The following SHKBP1 variants were observed in gnomAD, a reference collection of about 807,000 sequenced individuals.
SHKBP1 encodes the protein SH3KBP1-binding protein 1.
Under a neutral mutation model 83.9 loss-of-function variants are expected in SHKBP1, and 71 were observed. The ratio of observed to expected loss-of-function variants is 0.85; its 90% confidence interval spans 0.70 to 1.03. The LOEUF (loss-of-function observed/expected upper bound fraction) is 1.03. Ranked by LOEUF, SHKBP1 falls within the 50% of genes least tolerant of loss-of-function variation. The pLI is 0.00. For synonymous variants in SHKBP1, 371 were observed against 398.0 expected (o/e 0.93, Z 0.81); for missense variants, 824 against 982.4 (o/e 0.84, Z 2.16).
chr19:40,583,266 G>A, intron 10 of SHKBP1, 132 bp from the exon 11 acceptor site: 1 of 661,644 alleles, frequency 1.5e-6, no homozygotes. Context: ...GGCAGGCCTG[G>A]GGTGGACGGG....
chr19:40,591,094 G>A lies in SHKBP1; in HGVS notation c.2011G>A (p.Val671Met), dbSNP rs762260137. 6.2e-7 allele frequency: 1 copy of A among 1,612,780 alleles called. No individual in the cohort carries two copies. The highest frequency in any genetic ancestry group is 1.7e-5 in the Admixed American group (1 of 59,970). The change falls in exon 18 of 18, where the codon GTG (valine) becomes ATG (methionine). Residue 671 changes from valine to methionine, a missense_variant. Val to Met is a conservative substitution (Grantham distance 21). Coordinates refer to ENST00000291842, the MANE Select transcript of SHKBP1 (RefSeq NM_138392.4). ...CTTTGTGGAACGCTGCCAGGAACTG[G>A]TGCGGAGTGGGCCAGACCTCCGACG... is the stretch of plus-strand genomic sequence containing the variant. ...GSFVERCQEL[V>M]RSGPDLRRPP...
At position 40,586,813 on chromosome 19, in the gene SHKBP1, G is replaced by A. The variant is rs1344243965; in HGVS notation, c.1205G>A (p.Ser402Asn). Reference sequence around the variant, plus strand: ...TGGATCGAGATCGCCTATGGCACCAGCTCAGGGGGCGTGCGGGTCATCGTG... The same window carrying A: ...TGGATCGAGATCGCCTATGGCACCAACTCAGGGGGCGTGCGGGTCATCGTG... ...GNWIEIAYGT[S>N]SGGVRVIVQH... The change falls in exon 13 of 18, where the codon AGC (serine) becomes AAC (asparagine). Residue 402 changes from serine (S) to asparagine (N), a missense_variant. Around this residue, in one of 3 missense-constraint regions of SHKBP1, gnomAD observed 182 missense variants for 273.1 expected, o/e 0.67. Transcript: ENST00000291842. 1 of 1,609,080 alleles carries A rather than the reference G, an allele frequency of 6.2e-7. No individual in the cohort carries two copies. The highest frequency in any genetic ancestry group is 1.7e-5 in the Admixed American group (1 of 59,710).
rs866923000 is a variant in SHKBP1 at position 40,591,339 on chromosome 19, C to T, written c.*132C>T. 1.8e-4 allele frequency: 131 copies of T among 724,980 alleles called. No individual in the cohort carries two copies. The Middle Eastern group carries it at 3.7e-3, about 20-fold the overall frequency. 44.9% of individuals were successfully genotyped at this position (724,980 alleles called of 1,614,324 possible). ...TAAATGGTTATTGTTACTAGGTCCC[C>T]ACCTTCCCTCTTTTCTGGAAGCCAA... On this transcript the variant is annotated 3_prime_UTR_variant, in exon 18 of 18. Coordinates refer to ENST00000291842, the MANE Select transcript of SHKBP1 (RefSeq NM_138392.4).
Position 40,591,259 on chromosome 19 carries a change from G to C in SHKBP1, c.*52G>C. 1 of 1,472,600 alleles carries C rather than the reference G, an allele frequency of 6.8e-7. No homozygotes were observed. The highest frequency in any genetic ancestry group is 9.1e-7 in the Non-Finnish European group (1 of 1,094,434). The allele number at this position is 1,472,600 out of a possible 1,614,324, so 91.2% of individuals were successfully genotyped here. A position where few individuals can be genotyped will look rare whatever the true frequency, so the allele number is the denominator to read the frequency against. ...GATGCCCTGGTCCTGGGGGACTCAG[G>C]TGCCTCCCTGATTCCTGTGGGAACC... On this transcript the variant is annotated 3_prime_UTR_variant, in exon 18 of 18. Coordinates refer to ENST00000291842, the MANE Select transcript of SHKBP1 (RefSeq NM_138392.4).
At chr19:40,583,837 ACTCT>A in intron 12 of SHKBP1, 120 bp downstream of exon 12, 1 of 726,484 alleles carries the variant, frequency 1.4e-6, no homozygotes, top group Non-Finnish European at 2.4e-6. Context: ...GGCAGATTCA[ACTCT>A]CTCTCATTTT....
chr19:40,583,750 C>T lies in SHKBP1; in HGVS notation c.1165+33C>T, dbSNP rs181507051. On this transcript the variant is annotated intron_variant, in intron 12 of 17. Coordinates refer to ENST00000291842, the MANE Select transcript of SHKBP1 (RefSeq NM_138392.4). Reference sequence around the variant, plus strand: ...ATGACCCGGCTTCCCCTGCTGCTGTCACCTGCCAGCCCCAGCCCCAGCCTG... The same window carrying T: ...ATGACCCGGCTTCCCCTGCTGCTGTTACCTGCCAGCCCCAGCCCCAGCCTG... The T allele has an allele frequency of 3.5e-4, 537 of 1,546,544 alleles. 3 individuals carry two copies. In the African/African-American group the frequency reaches 6.6e-3, roughly 19 times the overall value.
chr19:40,591,303 C>A lies in SHKBP1; in HGVS notation c.*96C>A. The A allele has an allele frequency of 9.2e-7, 1 of 1,087,912 alleles. No individual in the cohort carries two copies. Among genetic ancestry groups the A allele is most frequent in the Non-Finnish European group, 1.3e-6 (1 of 773,188 alleles). 67.4% of individuals were successfully genotyped at this position (1,087,912 alleles called of 1,614,324 possible). On this transcript the variant is annotated 3_prime_UTR_variant, in exon 18 of 18. Coordinates refer to ENST00000291842, the MANE Select transcript of SHKBP1 (RefSeq NM_138392.4). ...GGGAACCCCGGGTTCAGGGCCAGGG[C>A]CTCCTTGGAATAAATGGTTATTGTT...
rs559044275 is a variant in SHKBP1 at position 40,586,353 on chromosome 19, CTCTT to C, written c.1166-403_1166-400del. On this transcript the variant is annotated intron_variant, in intron 12 of 17. Coordinates refer to ENST00000291842, the MANE Select transcript of SHKBP1 (RefSeq NM_138392.4). ...TTCTGACTGTGTCTCTGTTCTGTGT[CTCTT>C]TCTTTCTTTCTTTCTTTTTTTTTTT... 5.2e-3 allele frequency among the ~76,000 whole-genome samples: 789 copies of C among 151,066 alleles called. 6 individuals carry two copies. The highest frequency in any genetic ancestry group is 8.0e-3 in the Non-Finnish European group (541 of 67,778).
chr19:40,581,585 T>C (rs710160), intron 9 of SHKBP1, among the ~76,000 whole-genome samples: 48,714 of 150,142 alleles, frequency 0.32, 8,092 homozygotes, highest in African/African-American at 0.4. Context: ...GTAACTCACA[T>C]CTGTAGTTCC....
chr19:40,579,896 C>T (rs776937285), intron 6 of SHKBP1, among the ~76,000 whole-genome samples: 11 of 151,714 alleles, frequency 7.3e-5, no homozygotes, highest in Admixed American at 1.3e-4. Context: ...AGCCATGTGT[C>T]GTGGTGGGTG....
At chr19:40,578,289 T>C (rs1190120091) in intron 5 of SHKBP1, 77 bp downstream of exon 5, 16 of 1,523,740 alleles carry the variant, frequency 1.1e-5, no homozygotes, top group Non-Finnish European at 1.3e-5. Flanking sequence ...CTCTTCCCCT[T>C]CTCTCCTGAA....
At chr19:40,577,771 A>T in intron 4 of SHKBP1, 141 bp downstream of exon 4, 1 of 1,051,572 alleles carries the variant, frequency 9.5e-7, no homozygotes, top group Non-Finnish European at 1.4e-6. Flanking sequence ...GCGCGCCGGG[A>T]TTGCTCACGC....
chr19:40,585,535 C>CTTTTTTTTTTTTTTTTTTT (rs34903711), intron 12 of SHKBP1: 6 of 132,916 alleles, frequency 4.5e-5, no homozygotes, highest in African/African-American at 5.5e-5. Context: ...TTCTTTCTTT[C>CTTTTTTTTTTTTTTTTTTT]TTTTTTTTTT....
rs1175750887 is a variant in SHKBP1, at chr19:40,583,596, C to T, written c.1049-5C>T. 6.2e-7 allele frequency: 1 copy of T among 1,612,986 alleles called. No individual in the cohort carries two copies. ...AACCCGCTCCACCCTCCCTGCCCACCCCAGATGTGCAGAAGTTCCCCTTGC... is the reference window on the plus strand; with the variant it reads ...AACCCGCTCCACCCTCCCTGCCCACTCCAGATGTGCAGAAGTTCCCCTTGC... On this transcript the variant is annotated splice_region_variant and splice_polypyrimidine_tract_variant and intron_variant, in intron 11 of 17. Coordinates refer to ENST00000291842, the MANE Select transcript of SHKBP1 (RefSeq NM_138392.4).
Position 40,580,648 on chromosome 19 carries a change from C to A in SHKBP1, c.645C>A (p.Val215=). Residue 215 remains valine (V), a synonymous_variant, in exon 8 of 18, where the codon GTC becomes GTA. Transcript: ENST00000291842. ...CTGTGGCCTATACCCAGTTTCTAGT[C>A]TGCTACAGGTGCTTGGGGAGGGAGT... The part of the protein sequence containing the change: ...WIAVAYTQFL[V]CYRLKEASGW... 6.2e-7 allele frequency: 1 copy of A among 1,614,140 alleles called. No homozygotes were observed. Among genetic ancestry groups the A allele is most frequent in the South Asian group, 1.1e-5 (1 of 91,080 alleles).
chr19:40,581,042 AT>A, intron 9 of SHKBP1, 106 bp downstream of exon 9: 1 of 1,094,350 alleles, frequency 9.1e-7, no homozygotes, highest in Non-Finnish European at 1.3e-6. Flanking sequence ...TCTCTGCTCT[AT>A]TAGATCTGTT....
At chr19:40,588,998 G>T in intron 14 of SHKBP1, 84 bp from the exon 15 acceptor site, 1 of 1,434,478 alleles carries the variant, frequency 7.0e-7, no homozygotes. Context: ...GGGGTCTTGG[G>T]GTGGTGGGTT....
rs779118823 is a variant in SHKBP1, at chr19:40,590,323, G to A, written c.1669G>A (p.Gly557Ser). The A allele has an allele frequency of 6.2e-6, 10 of 1,610,040 alleles. No individual in the cohort carries two copies. The highest frequency in any genetic ancestry group is 2.7e-5 in the African/African-American group (2 of 74,704). Residue 557 changes from glycine to serine, a missense_variant, in exon 16 of 18, where the codon GGC (glycine) becomes AGC (serine). Coordinates refer to ENST00000291842, the MANE Select transcript of SHKBP1 (RefSeq NM_138392.4). The surrounding 1 kb of genome is among the most constrained non-coding windows in gnomAD (Gnocchi z 4.6). ...VLECEGSRRLGSRPRRYLLTG... is the reference protein window; with the variant it reads ...VLECEGSRRLSSRPRRYLLTG... ...GGAGTGCGAGGGCTCCCGGCGGCTC[G>A]GCTCTCGGCCCCGGCGCTACCTGCT...
At chr19:40,585,822 G>A (rs1370167339) in intron 12 of SHKBP1, 1 of 152,086 alleles carries the variant, frequency 6.6e-6, no homozygotes, top group African/African-American at 2.4e-5. Context: ...TTACAGGCAT[G>A]GGCTGCTGCA....
Sources: allele counts gnomAD v4.1 joint callset (sites outside exome capture counted in the v4.1 genomes callset), GRCh38; gene constraint gnomAD v4.1.1; regional missense constraint gnomAD v4.1.1; non-coding constraint Gnocchi (gnomAD v3.1); transcripts MANE v1.5; gene names NCBI Gene and HGNC (gene_info 2026-07-23, HGNC 2026-07-21).